Variants in SMG1 observed in about 807,000 individuals in gnomAD.
The protein encoded by SMG1 is SMG1 nonsense mediated mRNA decay associated PI3K related kinase.
Under a neutral mutation model 419.9 loss-of-function variants are expected in SMG1, and 22 were observed. That is an observed-to-expected ratio of 0.05 (90% CI 0.04 to 0.07). SMG1 has a LOEUF of 0.07. SMG1 is among the 10% of genes least tolerant of loss of function. SMG1 has a pLI of 1.00. For synonymous variants in SMG1, 1,538 were observed against 1,553.5 expected, an observed-to-expected ratio of 0.99 and a Z score of 0.23; for missense variants, 3,185 against 4,342.0, an observed-to-expected ratio of 0.73 and a Z score of 7.49.
chr16:18,850,383 A>T lies in SMG1; in HGVS notation c.5137T>A (p.Ser1713Thr), dbSNP rs201727799. Reference sequence around the variant, plus strand: ...AGTTCTGAAAGCCATGGGCAGCTTGATATCAACTGACGCCAGATAACATCA... The same window carrying T: ...AGTTCTGAAAGCCATGGGCAGCTTGTTATCAACTGACGCCAGATAACATCA... Reference protein sequence around the residue: ...MVDVIWRQLISSCPWLSELDE... With the variant: ...MVDVIWRQLITSCPWLSELDE... The change falls in exon 34 of 63, where the codon TCA becomes ACA. Residue 1713 changes from serine (S) to threonine (T), a missense_variant. Physicochemically the swap from Ser to Thr is moderately conservative, Grantham distance 58. Coordinates refer to ENST00000446231, the MANE Select transcript of SMG1 (RefSeq NM_015092.5). 4.0e-4 allele frequency: 643 copies of T among 1,614,006 alleles called. No homozygotes were observed. The highest frequency in any genetic ancestry group is 5.2e-4 in the Non-Finnish European group (614 of 1,179,884).
chr16:18,891,437 CTT>C (rs71141088), intron 4 of SMG1, among the ~76,000 whole-genome samples: 4 of 142,512 alleles, frequency 2.8e-5, no homozygotes, highest in African/African-American at 2.6e-5. Context: ...TTATCAAGTT[CTT>C]TTTTTTTTTT....
intron 56 of SMG1, among the ~76,000 whole-genome samples, chr16:18,818,094 A>T (rs35013054): frequency 7.2e-6 from 1 of 138,344 alleles, no homozygotes; most frequent in Non-Finnish European, 1.6e-5. Flanking sequence ...AAAAAAAAAA[A>T]TTTATTGGCC....
Position 18,829,963 on chromosome 16 carries a change from G to C in SMG1, c.9096C>G (p.Phe3032Leu), listed in dbSNP as rs2033053076. The C allele has an allele frequency of 6.3e-7, 1 of 1,574,948 alleles. No individual in the cohort carries two copies. Among genetic ancestry groups the C allele is most frequent in the African/African-American group, 1.4e-5 (1 of 73,136 alleles). The change falls in exon 53 of 63, where the codon TTC becomes TTG. Residue 3032 changes from phenylalanine to leucine, a missense_variant. This residue lies in a region of SMG1 where 737 missense variants were observed against 846.6 expected (regional missense o/e 0.87). Coordinates refer to ENST00000446231, the MANE Select transcript of SMG1 (RefSeq NM_015092.5). ...TAGAAAAGGTACCACAGAGCCTGAA[G>C]AACTCCTTAATAGTCTGTAGTCTTT... The part of the protein sequence containing the change: ...FLKRLQTIKE[F>L]FRLCGTFSKT...
chr16:18,840,096 T>G, intron 41 of SMG1, 150 bp from the exon 42 acceptor site: 1 of 643,012 alleles, frequency 1.6e-6, no homozygotes. Context: ...TAATACAAAA[T>G]AGCTAATTAT....
intron 1 of SMG1, chr16:18,911,491 G>C (rs1430077228): frequency 1.3e-5 from 2 of 152,148 alleles, no homozygotes; most frequent in African/African-American, 2.4e-5. Flanking sequence ...CTGGGGGACA[G>C]AGCGAGACTC....
At chr16:18,819,883 A>C (rs1407921270) in intron 55 of SMG1, among the ~76,000 whole-genome samples, 1 of 152,244 alleles carries the variant, frequency 6.6e-6, no homozygotes, top group African/African-American at 2.4e-5. Flanking sequence ...TCAGTTTATT[A>C]TCTTAAAACG....
chr16:18,913,329 C>T (rs151217215), intron 1 of SMG1, among the ~76,000 whole-genome samples: 2 of 152,084 alleles, frequency 1.3e-5, no homozygotes, highest in South Asian at 4.1e-4. Flanking sequence ...TGCACTGCTT[C>T]AGAGAATTAA....
Position 18,864,051 on chromosome 16 carries a change from G to C in SMG1, c.3444C>G (p.Thr1148=). The change falls in exon 24 of 63, where the codon ACC becomes ACG. Residue 1148 remains threonine, a synonymous_variant. Coordinates refer to ENST00000446231, the MANE Select transcript of SMG1 (RefSeq NM_015092.5). ...CACTGTTACGCCCAGCATTGGCTAA[G>C]GTGAGCACCGATTTGTCAAAGCTGG... ...CISSFDKSVL[T]LANAGRNSAS... is the part of the protein sequence containing the mutation. The C allele has an allele frequency of 6.5e-7, 1 of 1,549,984 alleles. No homozygotes were observed. The highest frequency in any genetic ancestry group is 8.7e-7 in the Non-Finnish European group (1 of 1,146,944).
At chr16:18,828,789 G>C (rs1048700461) in intron 54 of SMG1, among the ~76,000 whole-genome samples, 1 of 152,100 alleles carries the variant, frequency 6.6e-6, no homozygotes, top group Non-Finnish European at 1.5e-5. Context: ...ACCTAGGCTC[G>C]GGAGTTCGAG....
chr16:18,873,879 C>G (rs993730646), intron 13 of SMG1, among the ~76,000 whole-genome samples: 3 of 152,190 alleles, frequency 2.0e-5, no homozygotes, highest in African/African-American at 7.2e-5. Flanking sequence ...CCCACTTTCT[C>G]CTTATTTCTA....
In SMG1 at chr16:18,896,749, T is replaced by C. The variant is rs751334495; in HGVS notation, c.256+44A>G. The C allele has an allele frequency of 8.1e-6, 12 of 1,476,644 alleles. No homozygotes were observed. The African/African-American group carries it at 1.4e-4, about 17-fold the overall frequency. 91.5% of individuals were successfully genotyped at this position (1,476,644 alleles called of 1,614,324 possible). On this transcript the variant is annotated intron_variant, in intron 2 of 62. Transcript: ENST00000446231. ...TAAGAAGGCAGGAAGGTGAGACAGG[T>C]AGGTTCAAAAAACATGCTTGTAGCA... is the stretch of plus-strand genomic sequence containing the variant.
Position 18,842,388 on chromosome 16 carries a change from T to A in SMG1, c.6286A>T (p.Ser2096Cys), listed in dbSNP as rs1255937401. 1 of 1,613,912 alleles carries A rather than the reference T, an allele frequency of 6.2e-7. No homozygotes were observed. Among genetic ancestry groups the A allele is most frequent in the Admixed American group, 1.7e-5 (1 of 60,006 alleles). Residue 2096 changes from serine (S) to cysteine (C), a missense_variant, in exon 40 of 63, where the codon AGT (serine) becomes TGT (cysteine). By Grantham distance (112) the Ser-to-Cys change is moderately radical. Transcript: ENST00000446231. ...TTAGTCATGGCAGCCAACCATGGAC[T>A]GATTTCTTCAAGACGCAAGATGTAA... ...ASYILRLEEI[S>C]PWLAAMTNTE...
At chr16:18,847,732 C>A in intron 37 of SMG1, 84 bp downstream of exon 37, 1 of 1,565,544 alleles carries the variant, frequency 6.4e-7, no homozygotes. Flanking sequence ...AGAACCCTGA[C>A]CAGTGATTGT....
At position 18,879,001 on chromosome 16, in the gene SMG1, C is replaced by A. The variant is rs529208394; in HGVS notation, c.1518+494G>T. ...CTTCATCCTGTGCAACAGAGTGAGA[C>A]CCTGTCTCAAAAAAAAATTGCATTA... is the stretch of plus-strand genomic sequence containing the variant. On this transcript the variant is annotated intron_variant, in intron 11 of 62. Coordinates refer to ENST00000446231, the MANE Select transcript of SMG1 (RefSeq NM_015092.5). The A allele has an allele frequency of 2.9e-4, 59 of 203,400 alleles. No homozygotes were observed. In the South Asian group the frequency reaches 4.6e-3, roughly 16 times the overall value. 12.6% of individuals were successfully genotyped at this position (203,400 alleles called of 1,614,324 possible).
rs543313161 is a variant in SMG1, at chr16:18,869,998, T to C, written c.2493-4A>G. 43 of 1,528,852 alleles carry C rather than the reference T, an allele frequency of 2.8e-5. No homozygotes were observed. The highest frequency in any genetic ancestry group is 1.4e-4 in the Admixed American group (7 of 49,338). 94.7% of individuals were successfully genotyped at this position (1,528,852 alleles called of 1,614,324 possible). A position where few individuals can be genotyped will look rare whatever the true frequency, so the allele number is the denominator to read the frequency against. On this transcript the variant is annotated splice_polypyrimidine_tract_variant and splice_region_variant and intron_variant, in intron 18 of 62. Coordinates refer to ENST00000446231, the MANE Select transcript of SMG1 (RefSeq NM_015092.5). ...AATTTCTGTGTGATTGTTATTGCTG[T>C]AGACAGAAAATAAAGTTGTTATGCA...
At position 18,833,084 on chromosome 16, in the gene SMG1, A is replaced by G; in HGVS notation, c.8648T>C (p.Met2883Thr). Residue 2883 changes from methionine to threonine, a missense_variant, in exon 51 of 63, where the codon ATG becomes ACG. Met to Thr is a moderately conservative substitution (Grantham distance 81). This residue lies in a region of SMG1 where 412 missense variants were observed against 546.6 expected (regional missense o/e 0.75). Transcript: ENST00000446231. ...LMKGEYTLES[M>T]LHELDGLIEQ... ...AATAAGACCGTCCAGTTCATGCAGCATACTTTCTAACGTGTATTCCCCTTT... is the reference window on the plus strand; with the variant it reads ...AATAAGACCGTCCAGTTCATGCAGCGTACTTTCTAACGTGTATTCCCCTTT... The G allele has an allele frequency of 6.2e-7, 1 of 1,614,030 alleles. No homozygotes were observed. The highest frequency in any genetic ancestry group is 8.5e-7 in the Non-Finnish European group (1 of 1,179,896).
Position 18,828,115 on chromosome 16 carries a change from A to T in SMG1, c.9657T>A (p.Pro3219=). The T allele has an allele frequency of 1.9e-6, 3 of 1,613,416 alleles. No homozygotes were observed. The highest frequency in any genetic ancestry group is 2.5e-6 in the Non-Finnish European group (3 of 1,179,616). Residue 3219 remains proline, a synonymous_variant, in exon 55 of 63, where the codon CCT becomes CCA. Coordinates refer to ENST00000446231, the MANE Select transcript of SMG1 (RefSeq NM_015092.5). ...INRPQAMSVT[P]PPRSAILTSM... ...TGGTTAGGATAGCAGACCGTGGGGGAGGTGTGACTGACATGGCTTGTGGTC... is the reference window on the plus strand; with the variant it reads ...TGGTTAGGATAGCAGACCGTGGGGGTGGTGTGACTGACATGGCTTGTGGTC...
chr16:18,866,677 A>C lies in SMG1; in HGVS notation c.3294T>G (p.Ser1098=). The part of the protein sequence containing the change: ...AIQGIAVWSS[S]IVGKNLLWIN... The stretch of plus-strand genomic sequence containing the variant: ...TCCACAGAAGATTTTTTCCAACAAT[A>C]GATGATGACCAGACAGCAATTCCCT... Residue 1098 remains serine (S), a synonymous_variant, in exon 23 of 63, where the codon TCT becomes TCG. Coordinates refer to ENST00000446231, the MANE Select transcript of SMG1 (RefSeq NM_015092.5). 6.3e-7 allele frequency: 1 copy of C among 1,594,712 alleles called. No individual in the cohort carries two copies. The highest frequency in any genetic ancestry group is 8.5e-7 in the Non-Finnish European group (1 of 1,177,186).
chr16:18,886,361 T>C (rs1335419049), intron 6 of SMG1, among the ~76,000 whole-genome samples: 2 of 152,142 alleles, frequency 1.3e-5, no homozygotes, highest in African/African-American at 4.8e-5. Flanking sequence ...TTAAAATAAA[T>C]ATAGGGCAAA....
Sources: allele counts gnomAD v4.1 joint callset (sites outside exome capture counted in the v4.1 genomes callset), GRCh38; gene constraint gnomAD v4.1.1; regional missense constraint gnomAD v4.1.1; transcripts MANE v1.5; gene names NCBI Gene and HGNC (gene_info 2026-07-23, HGNC 2026-07-21).